Variants in ST18 observed in about 807,000 individuals in gnomAD.
ST18 encodes the protein ST18 C2H2C-type zinc finger transcription factor, also known as suppression of tumorigenicity 18 protein.
ST18 carries 50 observed loss-of-function variants against 110.0 expected under a neutral mutation model. That is an observed-to-expected ratio of 0.45 (90% CI 0.36 to 0.58). The LOEUF is 0.58. Ranked by LOEUF, ST18 falls within the 20% of genes least tolerant of loss-of-function variation. The pLI is 0.00. For missense variants in ST18, 1,306 were observed against 1,280.1 expected, an observed-to-expected ratio of 1.02 and a Z score of -0.31; for synonymous variants, 461 against 452.4, an observed-to-expected ratio of 1.02 and a Z score of -0.24.
chr8:52,351,553 A>G (rs971305668), intron 2 of ST18, among the ~76,000 whole-genome samples: 2 of 152,140 alleles, frequency 1.3e-5, no homozygotes, highest in African/African-American at 4.8e-5. Flanking sequence ...CATCTTTTCT[A>G]TTTGCCATCT....
At chr8:52,365,590 A>T (rs1035344946) in intron 2 of ST18, among the ~76,000 whole-genome samples, 1 of 152,202 alleles carries the variant, frequency 6.6e-6, no homozygotes, top group Non-Finnish European at 1.5e-5. Flanking sequence ...GTTTAAAAAA[A>T]AAAACTTACG....
intron 8 of ST18, among the ~76,000 whole-genome samples, chr8:52,196,899 C>G (rs766814453): frequency 2.0e-5 from 3 of 152,160 alleles, no homozygotes; most frequent in Non-Finnish European, 4.4e-5. Flanking sequence ...TGTGGAAACA[C>G]TTTTTGCAGT....
chr8:52,164,152 A>G, intron 12 of ST18, 62 bp from the exon 13 acceptor site: 6 of 1,421,436 alleles, frequency 4.2e-6, no homozygotes, highest in African/African-American at 1.4e-5. Context: ...TTGTTTTGGC[A>G]TGTGCCTCAC....
intron 23 of ST18, 123 bp downstream of exon 23, chr8:52,125,929 C>T: frequency 2.6e-6 from 2 of 768,228 alleles, no homozygotes; most frequent in Non-Finnish European, 4.1e-6. Flanking sequence ...TCTGAGGAAA[C>T]CTTTCTTCTT....
intron 2 of ST18, among the ~76,000 whole-genome samples, chr8:52,251,058 C>T (rs1364367657): frequency 4.6e-5 from 7 of 152,062 alleles, no homozygotes; most frequent in African/African-American, 1.2e-4. Context: ...AAATGATTAA[C>T]GTGGCAGAGA....
intron 2 of ST18, among the ~76,000 whole-genome samples, chr8:52,370,545 A>G (rs749515527): frequency 6.6e-6 from 1 of 152,208 alleles, no homozygotes; most frequent in Non-Finnish European, 1.5e-5. Flanking sequence ...GGAGCCACAC[A>G]TGCATGTTTA....
At chr8:52,156,532 C>T (rs748115464) in intron 15 of ST18, among the ~76,000 whole-genome samples, 1 of 152,154 alleles carries the variant, frequency 6.6e-6, no homozygotes, top group Non-Finnish European at 1.5e-5. Flanking sequence ...AAGTAAAAGG[C>T]AGCACTGATA....
In ST18 at chr8:52,233,017, T is replaced by C. The variant is rs114231798; in HGVS notation, c.-464-2940A>G. ...TCTGAATTCTCACTGCCACCTATTGTTTTTGCTGTTCCACAGATATTTATT... is the reference window on the plus strand; with the variant it reads ...TCTGAATTCTCACTGCCACCTATTGCTTTTGCTGTTCCACAGATATTTATT... On this transcript the variant is annotated intron_variant, in intron 2 of 25. Transcript: ENST00000689386. 1.5e-3 allele frequency among the ~76,000 whole-genome samples: 231 copies of C among 152,292 alleles called. 1 individual carries two copies. The highest frequency in any genetic ancestry group is 5.4e-3 in the African/African-American group (224 of 41,570).
chr8:52,397,868 A>G (rs1841706990), intron 2 of ST18, among the ~76,000 whole-genome samples: 1 of 152,162 alleles, frequency 6.6e-6, no homozygotes, highest in Non-Finnish European at 1.5e-5. Flanking sequence ...ATATAATTTT[A>G]AATCAGGAAG....
intron 11 of ST18, 96 bp downstream of exon 11, chr8:52,166,756 T>C (rs776360458): frequency 7.4e-5 from 101 of 1,371,970 alleles, no homozygotes; most frequent in Non-Finnish European, 9.1e-5. Flanking sequence ...AAAAAGTTTG[T>C]TTCCATTCCT....
At chr8:52,316,519 A>C (rs774778056) in intron 2 of ST18, among the ~76,000 whole-genome samples, 2 of 152,194 alleles carry the variant, frequency 1.3e-5, no homozygotes, top group Non-Finnish European at 2.9e-5. Flanking sequence ...CTCCACATTC[A>C]AGTTTTATTT....
chr8:52,323,738 A>G (rs1389823338), intron 2 of ST18, among the ~76,000 whole-genome samples: 1 of 152,020 alleles, frequency 6.6e-6, no homozygotes, highest in Non-Finnish European at 1.5e-5. Flanking sequence ...GGCGAGGGGG[A>G]GGCTGGGTGG....
At chr8:52,260,590 TG>T (rs771660659) in intron 2 of ST18, among the ~76,000 whole-genome samples, 6 of 152,166 alleles carry the variant, frequency 3.9e-5, no homozygotes, top group African/African-American at 7.2e-5. Flanking sequence ...TTACTCCCTC[TG>T]GATCACATTA....
At chr8:52,340,740 C>T (rs1814572188) in intron 2 of ST18, among the ~76,000 whole-genome samples, 1 of 152,220 alleles carries the variant, frequency 6.6e-6, no homozygotes. Flanking sequence ...GTGCTGTCTA[C>T]ACAAGGAAAA....
intron 2 of ST18, among the ~76,000 whole-genome samples, chr8:52,240,089 C>T: frequency 6.6e-6 from 1 of 152,162 alleles, no homozygotes; most frequent in Admixed American, 6.5e-5. Flanking sequence ...CCACCAAGCC[C>T]AGCCTCCATT....
chr8:52,338,767 C>G (rs528732732), intron 2 of ST18, among the ~76,000 whole-genome samples: 1 of 151,768 alleles, frequency 6.6e-6, no homozygotes, highest in East Asian at 1.9e-4. Context: ...AAGATAATGT[C>G]TTGCTCTGTC....
intron 2 of ST18, among the ~76,000 whole-genome samples, chr8:52,268,546 CTATT>C (rs568314933): frequency 2.6e-5 from 4 of 152,116 alleles, no homozygotes; most frequent in East Asian, 1.9e-4. Context: ...ATCTATCTAT[CTATT>C]TATCTATCTA....
intron 2 of ST18, among the ~76,000 whole-genome samples, chr8:52,265,716 A>G (rs1305522275): frequency 1.3e-5 from 2 of 152,230 alleles, no homozygotes; most frequent in Non-Finnish European, 2.9e-5. Context: ...CTGGTGGGTT[A>G]GGAAAATAGA....
intron 10 of ST18, among the ~76,000 whole-genome samples, chr8:52,170,234 G>A (rs146241822): frequency 9.9e-5 from 15 of 152,256 alleles, no homozygotes; most frequent in Non-Finnish European, 1.9e-4. Context: ...TTGGGAGGCC[G>A]AGGCGGATGG....
Sources: allele counts gnomAD v4.1 joint callset (sites outside exome capture counted in the v4.1 genomes callset), GRCh38; gene constraint gnomAD v4.1.1; transcripts MANE v1.5; gene names NCBI Gene and HGNC (gene_info 2026-07-23, HGNC 2026-07-21).